The following SLC9A8 variants were observed in gnomAD, a reference collection of about 807,000 sequenced individuals.
SLC9A8 encodes sodium/hydrogen exchanger 8.
A neutral mutation model predicts 66.6 loss-of-function variants in SLC9A8; 48 were observed. The observed-to-expected ratio is 0.72, with a 90% CI of 0.57 to 0.92. The LOEUF (loss-of-function observed/expected upper bound fraction) is 0.92. Among genes scored for constraint, SLC9A8 ranks in the 40% least tolerant of loss-of-function variants. The pLI is 0.00. For missense variants in SLC9A8, 599 were observed against 747.3 expected (o/e 0.80, Z 2.31); for synonymous variants, 274 against 282.6 (o/e 0.97, Z 0.31).
chr20:49,857,746 A>G (rs1469633443), intron 8 of SLC9A8, among the ~76,000 whole-genome samples: 1 of 152,182 alleles, frequency 6.6e-6, no homozygotes, highest in African/African-American at 2.4e-5. Context: ...AAAGGGTACT[A>G]TGAGAAAAGC....
intron 5 of SLC9A8, among the ~76,000 whole-genome samples, chr20:49,845,849 T>G (rs6067247): frequency 0.086 from 13,069 of 152,144 alleles, 664 homozygotes; most frequent in Middle Eastern, 0.12. Flanking sequence ...GTTTTGTTTT[T>G]TTTGAGATGG....
chr20:49,843,792 C>T (rs1465670753), intron 4 of SLC9A8, among the ~76,000 whole-genome samples: 2 of 152,202 alleles, frequency 1.3e-5, no homozygotes, highest in East Asian at 1.9e-4. Context: ...TCTCCCCAAA[C>T]CTCATGCTGA....
intron 4 of SLC9A8, among the ~76,000 whole-genome samples, chr20:49,842,998 C>T (rs555819459): frequency 6.6e-6 from 1 of 152,296 alleles, no homozygotes; most frequent in East Asian, 1.9e-4. Context: ...TGTTCTGTCT[C>T]TTACAAGTCG....
At chr20:49,863,460 A>G (rs2088831355) in intron 9 of SLC9A8, among the ~76,000 whole-genome samples, 2 of 152,216 alleles carry the variant, frequency 1.3e-5, no homozygotes, top group Admixed American at 6.5e-5. Flanking sequence ...CATGCCTGTA[A>G]TCCCAGCACT....
At chr20:49,874,545 T>TA (rs1372292877) in intron 10 of SLC9A8, among the ~76,000 whole-genome samples, 160 bp from the exon 11 acceptor site, 1 of 151,748 alleles carries the variant, frequency 6.6e-6, no homozygotes, top group Non-Finnish European at 1.5e-5. Context: ...AAGGGACCCA[T>TA]AGTATTTTTT....
At chr20:49,813,980 A>C (rs905395276) in intron 1 of SLC9A8, among the ~76,000 whole-genome samples, 1 of 152,206 alleles carries the variant, frequency 6.6e-6, no homozygotes, top group African/African-American at 2.4e-5. Context: ...TAGATGCCCT[A>C]TCACTGTTTG....
intron 12 of SLC9A8, among the ~76,000 whole-genome samples, chr20:49,879,257 C>T (rs1379065362): frequency 6.6e-6 from 1 of 152,190 alleles, no homozygotes; most frequent in Non-Finnish European, 1.5e-5. Flanking sequence ...ATGGCCTATT[C>T]AGGTGGGTTA....
rs1258342334 is a variant in SLC9A8, at chr20:49,877,991, G to A, written c.1086G>A (p.Val362=). Residue 362 remains valine, a synonymous_variant, in exon 12 of 16, where the codon GTG becomes GTA. Coordinates refer to ENST00000361573, the MANE Select transcript of SLC9A8 (RefSeq NM_015266.3). Reference sequence around the variant, plus strand: ...TTTGGTTTGTTTCAGAAACATGTGTGTTTGCATTTCTTGGCCTGTCCATTT... The same window carrying A: ...TTTGGTTTGTTTCAGAAACATGTGTATTTGCATTTCTTGGCCTGTCCATTT... ...RTVAFLCETC[V]FAFLGLSIFS... is the part of the protein sequence containing the mutation. 6.3e-7 allele frequency: 1 copy of A among 1,599,466 alleles called. No homozygotes were observed. Among genetic ancestry groups the A allele is most frequent in the Non-Finnish European group, 8.5e-7 (1 of 1,175,982 alleles).
At chr20:49,834,214 T>TACACACAC (rs1355760521) in intron 3 of SLC9A8, among the ~76,000 whole-genome samples, 17 of 112,142 alleles carry the variant, frequency 1.5e-4, no homozygotes, top group African/African-American at 5.8e-4. Context: ...TATATATATA[T>TACACACAC]ACACACACAC....
intron 3 of SLC9A8, among the ~76,000 whole-genome samples, chr20:49,826,893 A>G (rs767264986): frequency 2.0e-5 from 3 of 151,830 alleles, no homozygotes; most frequent in East Asian, 1.9e-4. Flanking sequence ...ATTTGAGTTT[A>G]TATCATTTTT....
chr20:49,856,289 C>T (rs1158740586), intron 8 of SLC9A8, among the ~76,000 whole-genome samples: 1 of 152,094 alleles, frequency 6.6e-6, no homozygotes, highest in Non-Finnish European at 1.5e-5. Context: ...GTTCAGGGGT[C>T]AGTGTTTGGG....
intron 2 of SLC9A8, among the ~76,000 whole-genome samples, chr20:49,818,263 A>G (rs923685726): frequency 2.6e-5 from 4 of 152,124 alleles, no homozygotes; most frequent in African/African-American, 9.7e-5. Flanking sequence ...CCCTCTCCAA[A>G]CAGATTATAA....
At chr20:49,856,188 C>T (rs1016490867) in intron 8 of SLC9A8, among the ~76,000 whole-genome samples, 9 of 152,104 alleles carry the variant, frequency 5.9e-5, no homozygotes, top group African/African-American at 1.9e-4. Flanking sequence ...ATTCCTAGGC[C>T]CCACCCTCAG....
chr20:49,820,881 C>G (rs1029927925), intron 2 of SLC9A8, among the ~76,000 whole-genome samples: 1 of 152,212 alleles, frequency 6.6e-6, no homozygotes, highest in Non-Finnish European at 1.5e-5. Context: ...CATGTCCTTC[C>G]AGTGAATCAT....
chr20:49,845,501 CT>C (rs890944943), intron 5 of SLC9A8, among the ~76,000 whole-genome samples: 3 of 152,196 alleles, frequency 2.0e-5, no homozygotes, highest in African/African-American at 7.2e-5. Flanking sequence ...TGCCCCAGGA[CT>C]TTTGTTTCTT....
chr20:49,874,979 G>C (rs1173394436), intron 11 of SLC9A8, among the ~76,000 whole-genome samples, 158 bp downstream of exon 11: 1 of 152,126 alleles, frequency 6.6e-6, no homozygotes, highest in Admixed American at 6.5e-5. Flanking sequence ...TGTTCCTCTG[G>C]CTTTGAAATT....
chr20:49,830,224 A>T (rs1407226855), intron 3 of SLC9A8: 1 of 871,796 alleles, frequency 1.1e-6, no homozygotes, highest in Non-Finnish European at 2.0e-6. Context: ...AGCATCACAG[A>T]CAAAAAGATG....
chr20:49,829,990 C>T (rs1292638768), intron 3 of SLC9A8: 10 of 622,572 alleles, frequency 1.6e-5, no homozygotes, highest in South Asian at 2.7e-5. Context: ...TCGTGGAGTC[C>T]GGTACCTTGA....
intron 3 of SLC9A8, among the ~76,000 whole-genome samples, chr20:49,832,823 G>A (rs1223579485): frequency 6.6e-6 from 1 of 152,158 alleles, no homozygotes; most frequent in Admixed American, 6.5e-5. Flanking sequence ...CGGTTAGTCA[G>A]TGTTGTCTTA....
Sources: gnomAD v4.1 joint callset for allele counts (sites outside exome capture counted in the v4.1 genomes callset) on GRCh38, gnomAD v4.1.1 for gene constraint, MANE v1.5 for transcripts, NCBI Gene and HGNC (gene_info 2026-07-23, HGNC 2026-07-21) for gene names.